GGACT: variants seen among roughly 807,000 people sequenced by gnomAD.
GGACT encodes gamma-glutamylamine cyclotransferase, also known as gamma-glutamylaminecyclotransferase.
For synonymous variants in GGACT, 118 were observed against 115.3 expected (o/e 1.02, Z -0.15); for missense variants, 241 against 233.2 (o/e 1.03, Z -0.22).
At chr13:100,563,338 T>C (rs2088782348) in intron 2 of GGACT, among the ~76,000 whole-genome samples, 1 of 152,082 alleles carries the variant, frequency 6.6e-6, no homozygotes, top group African/African-American at 2.4e-5. Context: ...ATGGGAGGGA[T>C]GCTTAGTGTG....
rs1171543688 is a variant in GGACT at position 100,532,505 on chromosome 13, G to A, written c.87C>T (p.Ala29=). 6.5e-7 allele frequency: 1 copy of A among 1,548,770 alleles called. No homozygotes were observed. Among genetic ancestry groups the A allele is most frequent in the Admixed American group, 2.0e-5 (1 of 50,930 alleles). Residue 29 remains alanine, a synonymous_variant, in exon 3 of 3, where the codon GCC becomes GCT. Transcript: ENST00000683975. The part of the protein sequence containing the change: ...VLRDGAHGSA[A]FRARGRTLEP... The stretch of plus-strand genomic sequence containing the variant: ...CCAGCGTGCGGCCGCGCGCCCGAAA[G>A]GCTGCGGAGCCGTGGGCGCCGTCCC...
At chr13:100,582,164 A>G (rs534431150) in intron 2 of GGACT, among the ~76,000 whole-genome samples, 1 of 152,246 alleles carries the variant, frequency 6.6e-6, no homozygotes, top group African/African-American at 2.4e-5. Context: ...TTTAAGTACC[A>G]TTTTTCACTT....
Position 100,532,411 on chromosome 13 carries a change from G to T in GGACT, c.181C>A (p.Arg61Ser). The T allele has an allele frequency of 6.5e-7, 1 of 1,550,090 alleles. No homozygotes were observed. The highest frequency in any genetic ancestry group is 8.7e-7 in the Non-Finnish European group (1 of 1,146,642). ...GCGTAGACCTCGCCCTCCACGAGGC[G>T]CCCCGAGCCGGGCAGGTGCAGCAGC... ...PWLLHLPGSG[R>S]LVEGEVYAVD... Residue 61 changes from arginine (R) to serine (S), a missense_variant, in exon 3 of 3, where the codon CGC becomes AGC. Physicochemically the swap from Arg to Ser is moderately radical, Grantham distance 110 (BLOSUM62 -1). Transcript: ENST00000683975.
At chr13:100,579,110 G>A (rs1875336668) in intron 2 of GGACT, among the ~76,000 whole-genome samples, 1 of 152,148 alleles carries the variant, frequency 6.6e-6, no homozygotes, top group African/African-American at 2.4e-5. Context: ...TTCTTACTGG[G>A]TGCCCACTAT....
At chr13:100,550,368 T>A (rs2088650730) in intron 2 of GGACT, among the ~76,000 whole-genome samples, 1 of 130,726 alleles carries the variant, frequency 7.6e-6, no homozygotes, top group African/African-American at 3.3e-5. Flanking sequence ...CTGGCCCTTC[T>A]AAGGAAACTG....
intron 2 of GGACT, among the ~76,000 whole-genome samples, chr13:100,549,468 C>A (rs2088637812): frequency 6.6e-6 from 1 of 152,264 alleles, no homozygotes; most frequent in Non-Finnish European, 1.5e-5. Flanking sequence ...CTATATCCCA[C>A]TGCCCAGAAA....
At chr13:100,558,950 G>A (rs111812776) in intron 2 of GGACT, among the ~76,000 whole-genome samples, 7,994 of 152,234 alleles carry the variant, frequency 0.053, 261 homozygotes, top group Middle Eastern at 0.092. Context: ...ACAAAAACAA[G>A]TAATTGCCTG....
Position 100,583,453 on chromosome 13 carries a change from A to G in GGACT, c.-11+372T>C, listed in dbSNP as rs113728106. Among the ~76,000 whole-genome samples, 254 of 152,358 alleles carry G rather than the reference A, an allele frequency of 1.7e-3. 1 individual carries two copies. The highest frequency in any genetic ancestry group is 5.8e-3 in the African/African-American group (240 of 41,576). On this transcript the variant is annotated intron_variant, in intron 2 of 2. Transcript: ENST00000683975. ...ATAAATAATTCTTATAAATCAAAAG[A>G]CAACCCCAGAGAAAAACAGATGAAG...
chr13:100,587,302 C>T (rs569461101), intron 1 of GGACT, among the ~76,000 whole-genome samples: 1 of 152,334 alleles, frequency 6.6e-6, no homozygotes, highest in Admixed American at 6.5e-5. Context: ...TACCTACTAT[C>T]CAGATCACCA....
chr13:100,585,822 CAAAAAAAAAAAAAAAAAA>C (rs550006144), intron 1 of GGACT, among the ~76,000 whole-genome samples: 16 of 29,508 alleles, frequency 5.4e-4, no homozygotes, highest in African/African-American at 8.3e-4. Context: ...CTGTCTCCAC[CAAAAAAAAAAAAAAAAAA>C]AAAAAAAAAA....
At position 100,558,445 on chromosome 13, in the gene GGACT, A is replaced by T. The variant is rs2088729017; in HGVS notation, c.-11+25380T>A. Among the ~76,000 whole-genome samples the T allele has an allele frequency of 2.0e-5, 3 of 152,226 alleles. No homozygotes were observed. In the South Asian group the frequency reaches 6.2e-4, roughly 32 times the overall value. On this transcript the variant is annotated intron_variant, in intron 2 of 2. Coordinates refer to ENST00000683975, the MANE Select transcript of GGACT (RefSeq NM_001195087.2). ...CATTAGTTATTAGGGAAATGCAAAT[A>T]AAAACCACAAAGAGATACCATTAGA...
intron 2 of GGACT, among the ~76,000 whole-genome samples, chr13:100,562,181 CT>C (rs1256762596): frequency 3.3e-5 from 5 of 152,088 alleles, no homozygotes; most frequent in African/African-American, 1.2e-4. Context: ...AAATTTTATT[CT>C]TCTATAAAAC....
chr13:100,580,909 G>C (rs753662707), intron 2 of GGACT, among the ~76,000 whole-genome samples: 1 of 152,196 alleles, frequency 6.6e-6, no homozygotes, highest in East Asian at 1.9e-4. Context: ...CCCATAGGGC[G>C]AGATGGCAAT....
chr13:100,543,197 CTTT>C (rs147710327), intron 2 of GGACT, among the ~76,000 whole-genome samples: 7 of 69,900 alleles, frequency 1.0e-4, no homozygotes, highest in East Asian at 5.3e-4. Flanking sequence ...AAGACACCAG[CTTT>C]TTTTTTTTTT....
intron 2 of GGACT, among the ~76,000 whole-genome samples, chr13:100,560,457 A>C (rs747968080): frequency 6.6e-6 from 1 of 152,180 alleles, no homozygotes; most frequent in East Asian, 1.9e-4. Flanking sequence ...TATGGCTAGA[A>C]GTCTCTTCAT....
At chr13:100,547,521 G>A (rs1234838021) in intron 2 of GGACT, among the ~76,000 whole-genome samples, 4 of 152,202 alleles carry the variant, frequency 2.6e-5, no homozygotes, top group African/African-American at 7.2e-5. Context: ...GGCAGGCCCC[G>A]CGCAGGCCTG....
intron 2 of GGACT, chr13:100,540,269 A>G: frequency 8.5e-7 from 1 of 1,180,550 alleles, no homozygotes; most frequent in South Asian, 1.2e-5. Flanking sequence ...CGGACCGGAG[A>G]GAGAGTGGGC....
rs747409848 is a variant in GGACT, at chr13:100,530,710, G to GTCTC, written c.*1416_*1419dup. The GTCTC allele has an allele frequency of 4.3e-4, 95 of 220,512 alleles. 1 individual carries two copies. The highest frequency in any genetic ancestry group is 4.0e-3 in the Middle Eastern group (2 of 506). 13.7% of individuals were successfully genotyped at this position (220,512 alleles called of 1,614,324 possible). On this transcript the variant is annotated 3_prime_UTR_variant, in exon 3 of 3. Transcript: ENST00000683975. Reference sequence around the variant, plus strand: ...ATTTTGGCAATCCCTTTCCTGCTGTGTCTCTATGTGGGTGTACTGTTGGTG... The same window carrying GTCTC: ...ATTTTGGCAATCCCTTTCCTGCTGTGTCTCTCTCTATGTGGGTGTACTGTTGGTG...
chr13:100,585,517 C>T (rs940412861), intron 1 of GGACT, among the ~76,000 whole-genome samples: 1 of 152,070 alleles, frequency 6.6e-6, no homozygotes, highest in African/African-American at 2.4e-5. Flanking sequence ...GCTGTAATCG[C>T]AGCACTTTGG....
Sources: gnomAD v4.1 joint callset for allele counts (sites outside exome capture counted in the v4.1 genomes callset) on GRCh38, gnomAD v4.1.1 for gene constraint, MANE v1.5 for transcripts, NCBI Gene and HGNC (gene_info 2026-07-23, HGNC 2026-07-21) for gene names.